Variants in TMEM232 observed in about 807,000 individuals in gnomAD.
TMEM232 encodes transmembrane protein 232.
Under a neutral mutation model 78.8 loss-of-function variants are expected in TMEM232, and 80 were observed. The ratio of observed to expected loss-of-function variants is 1.01; its 90% CI spans 0.85 to 1.22. The LOEUF (loss-of-function observed/expected upper bound fraction) is 1.22. Ranked by LOEUF, TMEM232 falls within the 50% of genes most tolerant of loss-of-function variation. The pLI, the probability that TMEM232 is intolerant of heterozygous loss-of-function variation, is 0.00. For synonymous variants in TMEM232, 297 were observed against 254.3 expected, an observed-to-expected ratio of 1.17 and a Z score of -1.60; for missense variants, 881 against 742.2, an observed-to-expected ratio of 1.19 and a Z score of -2.17.
intron 10 of TMEM232, among the ~76,000 whole-genome samples, chr5:110,581,267 T>C (rs147916070): frequency 1.6e-4 from 24 of 151,934 alleles, no homozygotes; most frequent in Non-Finnish European, 3.1e-4. Context: ...CTTCAAGCTA[T>C]ACAACAAGGC....
At chr5:110,507,086 T>C (rs1181660720) in intron 12 of TMEM232, among the ~76,000 whole-genome samples, 1 of 152,172 alleles carries the variant, frequency 6.6e-6, no homozygotes, top group Admixed American at 6.6e-5. Flanking sequence ...TTGGCTCATG[T>C]TTAATAGTGA....
chr5:110,717,489 C>A (rs1249742315), intron 1 of TMEM232, among the ~76,000 whole-genome samples: 1 of 152,110 alleles, frequency 6.6e-6, no homozygotes. Context: ...TTGCTCAAAT[C>A]CCATCTGACA....
intron 10 of TMEM232, among the ~76,000 whole-genome samples, chr5:110,590,626 T>C (rs926020843): frequency 1.3e-5 from 2 of 152,014 alleles, no homozygotes; most frequent in South Asian, 2.1e-4. Flanking sequence ...GCCAAAAAAG[T>C]TGGGGACCAC....
chr5:110,468,743 A>G (rs1762357017), intron 12 of TMEM232, among the ~76,000 whole-genome samples: 1 of 152,154 alleles, frequency 6.6e-6, no homozygotes, highest in Non-Finnish European at 1.5e-5. Context: ...TCCTTTCATA[A>G]TAATAAAAAA....
intron 3 of TMEM232, among the ~76,000 whole-genome samples, chr5:110,394,710 T>A (rs1387852088): frequency 2.0e-5 from 3 of 152,214 alleles, no homozygotes; most frequent in African/African-American, 7.2e-5. Context: ...TTCAGGAGCA[T>A]ATTGTTTAAT....
At chr5:110,554,426 TGA>T (rs892484844) in intron 11 of TMEM232, among the ~76,000 whole-genome samples, 6 of 152,194 alleles carry the variant, frequency 3.9e-5, no homozygotes, top group African/African-American at 1.4e-4. Context: ...TGTGATCATG[TGA>T]GTTAATACTT....
In TMEM232 at chr5:110,535,606, C is replaced by T. The variant is rs373411476; in HGVS notation, c.1456-6771G>A. 4.9e-4 allele frequency among the ~76,000 whole-genome samples: 74 copies of T among 152,140 alleles called. 1 individual carries two copies. The Middle Eastern group carries it at 0.014, about 28-fold the overall frequency. ...AATAAAATGTTAAAAATTAATGACA[C>T]CACCAAAAAAGAGCTCCTCCTTTTT... On this transcript the variant is annotated intron_variant, in intron 11 of 13. Coordinates refer to ENST00000455884, the MANE Select transcript of TMEM232 (RefSeq NM_001039763.4).
chr5:110,418,599 A>G (rs1325066144), downstream of TMEM232, among the ~76,000 whole-genome samples: 1 of 152,152 alleles, frequency 6.6e-6, no homozygotes, highest in Non-Finnish European at 1.5e-5. Context: ...AGTCACCACT[A>G]AGACATAAAA....
chr5:110,699,551 G>A (rs771329100), intron 1 of TMEM232, among the ~76,000 whole-genome samples: 3 of 152,060 alleles, frequency 2.0e-5, no homozygotes, highest in Non-Finnish European at 4.4e-5. Context: ...TAAGCAGAAA[G>A]AATGGGATAG....
chr5:110,598,635 G>C (rs181343312), intron 10 of TMEM232, among the ~76,000 whole-genome samples: 4 of 151,994 alleles, frequency 2.6e-5, no homozygotes, highest in East Asian at 1.9e-4. Context: ...TGATAGACTG[G>C]ATTAAGAAAA....
chr5:110,399,133 G>GAA (rs536042524), intron 2 of TMEM232, among the ~76,000 whole-genome samples: 223 of 146,192 alleles, frequency 1.5e-3, no homozygotes, highest in Non-Finnish European at 2.7e-3. Flanking sequence ...ATCTAAACTA[G>GAA]AAAAAAAAAA....
At chr5:110,447,856 T>G (rs1255786639) in intron 12 of TMEM232, among the ~76,000 whole-genome samples, 3 of 151,724 alleles carry the variant, frequency 2.0e-5, no homozygotes, top group African/African-American at 7.3e-5. Context: ...TCTCCAAAGC[T>G]CAGAGGAAAT....
intron 4 of TMEM232, among the ~76,000 whole-genome samples, chr5:110,640,306 C>G (rs1786491125): frequency 6.6e-6 from 1 of 152,108 alleles, no homozygotes; most frequent in African/African-American, 2.4e-5. Context: ...TCTCTCTGAG[C>G]TCATGTGGTT....
At chr5:110,667,621 C>A in intron 1 of TMEM232, 1 of 207,554 alleles carries the variant, frequency 4.8e-6, no homozygotes, top group South Asian at 1.2e-4. Context: ...ACCATTGAAA[C>A]AGCAGCATGG....
chr5:110,535,460 C>T (rs182595663), intron 11 of TMEM232, among the ~76,000 whole-genome samples: 2 of 152,264 alleles, frequency 1.3e-5, no homozygotes, highest in Admixed American at 1.3e-4. Flanking sequence ...TGATTAAAAG[C>T]TTTATTGCTC....
intron 12 of TMEM232, among the ~76,000 whole-genome samples, chr5:110,512,745 G>A (rs565779967): frequency 6.6e-6 from 1 of 152,138 alleles, no homozygotes; most frequent in Non-Finnish European, 1.5e-5. Flanking sequence ...AGAGCAAAGA[G>A]CACACAAAAA....
At chr5:110,454,736 G>GA (rs892228192) in intron 12 of TMEM232, among the ~76,000 whole-genome samples, 11 of 151,190 alleles carry the variant, frequency 7.3e-5, no homozygotes, top group African/African-American at 1.5e-4. Context: ...GTTTATATTA[G>GA]AAAAAAAACC....
intron 12 of TMEM232, among the ~76,000 whole-genome samples, chr5:110,486,285 G>A (rs918718026): frequency 3.9e-5 from 6 of 151,996 alleles, no homozygotes; most frequent in African/African-American, 1.4e-4. Flanking sequence ...TTACTCTGCT[G>A]ACTGTTCCTT....
At chr5:110,610,207 GAA>G (rs1561380637) in intron 8 of TMEM232, among the ~76,000 whole-genome samples, 1 of 105,462 alleles carries the variant, frequency 9.5e-6, no homozygotes, top group African/African-American at 2.9e-5. Context: ...AACAAGGAAG[GAA>G]GGAAGGAAGG....
Sources: gnomAD v4.1 joint callset for allele counts (sites outside exome capture counted in the v4.1 genomes callset) on GRCh38, gnomAD v4.1.1 for gene constraint, MANE v1.5 for transcripts, NCBI Gene and HGNC (gene_info 2026-07-23, HGNC 2026-07-21) for gene names.